Variants in PAK5 observed in about 807,000 individuals in gnomAD.
The protein encoded by PAK5 is serine/threonine-protein kinase PAK 5.
In PAK5, 16 loss-of-function variants were observed where a neutral mutation model predicts 65.9. The ratio of observed to expected loss-of-function variants is 0.24; its 90% CI spans 0.16 to 0.37. The LOEUF is 0.37. PAK5 is among the 10% of genes least tolerant of loss of function. The pLI is 1.00. For missense variants in PAK5, 785 were observed against 903.9 expected, an observed-to-expected ratio of 0.87 and a Z score of 1.69; for synonymous variants, 371 against 354.9, an observed-to-expected ratio of 1.05 and a Z score of -0.51.
chr20:9,809,320 G>T (rs1481157379), intron 1 of PAK5, among the ~76,000 whole-genome samples: 1 of 148,516 alleles, frequency 6.7e-6, no homozygotes, highest in African/African-American at 2.5e-5. Context: ...CTACTTTTCT[G>T]TTGAGGCAAT....
chr20:9,788,753 G>A lies in PAK5; in HGVS notation c.-162+50009C>T, dbSNP rs537262582. Among the ~76,000 whole-genome samples, 17 of 152,160 alleles carry A rather than the reference G, an allele frequency of 1.1e-4. No individual in the cohort carries two copies. In the East Asian group the frequency reaches 1.6e-3, roughly 14 times the overall value. On this transcript the variant is annotated intron_variant, in intron 1 of 9. Coordinates refer to ENST00000353224, the MANE Select transcript of PAK5 (RefSeq NM_177990.4). ...GAAAGACCCTCTTCCTATTCTTCTT[G>A]TCTTGGATAACAAAGGGGTTCCAAG... is the stretch of plus-strand genomic sequence containing the variant.
chr20:9,642,087 G>A (rs959222811), intron 3 of PAK5, among the ~76,000 whole-genome samples: 1 of 152,240 alleles, frequency 6.6e-6, no homozygotes, highest in Non-Finnish European at 1.5e-5. Context: ...CAAAGTGGGA[G>A]CCCAGGCAGG....
chr20:9,668,323 T>C lies in PAK5; in HGVS notation c.-11-23984A>G, dbSNP rs139292612. On this transcript the variant is annotated intron_variant, in intron 2 of 9. Transcript: ENST00000353224. ...GAAATTTTGAGCCTAATGGAGTATT[T>C]TCATTTTTTTTCCTTTGTGATATGT... Among the ~76,000 whole-genome samples, 378 of 152,238 alleles carry C rather than the reference T, an allele frequency of 2.5e-3. 4 individuals are homozygous for C. Among genetic ancestry groups the C allele is most frequent in the African/African-American group, 8.6e-3 (358 of 41,512 alleles).
intron 1 of PAK5, among the ~76,000 whole-genome samples, chr20:9,742,100 C>T (rs1341129874): frequency 1.3e-5 from 2 of 152,102 alleles, no homozygotes; most frequent in African/African-American, 4.8e-5. Context: ...CCAACCCTCA[C>T]CACCCAAGGG....
chr20:9,762,449 G>C (rs558010174), intron 1 of PAK5, among the ~76,000 whole-genome samples: 1 of 151,892 alleles, frequency 6.6e-6, no homozygotes, highest in Non-Finnish European at 1.5e-5. Flanking sequence ...AATTTAAATG[G>C]GCACAGGAAG....
At chr20:9,796,785 G>A (rs375390445) in intron 1 of PAK5, among the ~76,000 whole-genome samples, 64 of 152,188 alleles carry the variant, frequency 4.2e-4, no homozygotes, top group African/African-American at 1.3e-3. Context: ...TGATAGATTC[G>A]ATATAGCAGA....
At chr20:9,610,308 A>G (rs1714885682) in intron 3 of PAK5, among the ~76,000 whole-genome samples, 1 of 152,180 alleles carries the variant, frequency 6.6e-6, no homozygotes, top group African/African-American at 2.4e-5. Context: ...ATTACTAAAC[A>G]CTTCCCTTGC....
chr20:9,657,116 T>G (rs1448513932), intron 2 of PAK5, among the ~76,000 whole-genome samples: 1 of 152,146 alleles, frequency 6.6e-6, no homozygotes, highest in East Asian at 1.9e-4. Context: ...CACAAAGATG[T>G]GCTATACTTT....
intron 1 of PAK5, among the ~76,000 whole-genome samples, chr20:9,777,301 G>T (rs1268938488): frequency 1.3e-5 from 2 of 152,194 alleles, no homozygotes; most frequent in Admixed American, 1.3e-4. Context: ...CTCTTGAATT[G>T]TACTCCCACA....
In PAK5 at chr20:9,747,681, T is replaced by C. The variant is rs1034837368; in HGVS notation, c.-161-36246A>G. On this transcript the variant is annotated intron_variant, in intron 1 of 9. Coordinates refer to ENST00000353224, the MANE Select transcript of PAK5 (RefSeq NM_177990.4). ...CAATAAATTAGGTATTGATGGGACG[T>C]ATTTCAAAATAATAAGAGCTATCTA... is the stretch of plus-strand genomic sequence containing the variant. 1.8e-4 allele frequency among the ~76,000 whole-genome samples: 27 copies of C among 152,164 alleles called. 1 individual carries two copies. The highest frequency in any genetic ancestry group is 6.3e-4 in the African/African-American group (26 of 41,490).
chr20:9,712,015 C>A (rs969040683), intron 1 of PAK5, among the ~76,000 whole-genome samples: 2 of 152,102 alleles, frequency 1.3e-5, no homozygotes, highest in African/African-American at 4.8e-5. Context: ...AGATGGAACT[C>A]ACAATCAACA....
chr20:9,737,599 T>C (rs1163430933), intron 1 of PAK5, among the ~76,000 whole-genome samples: 1 of 152,152 alleles, frequency 6.6e-6, no homozygotes, highest in Admixed American at 6.5e-5. Flanking sequence ...AATGTTTTAA[T>C]TGCAGTAGTA....
intron 1 of PAK5, among the ~76,000 whole-genome samples, chr20:9,737,670 A>C (rs1285391437): frequency 1.3e-5 from 2 of 152,240 alleles, no homozygotes; most frequent in African/African-American, 4.8e-5. Context: ...AGATTTTGAA[A>C]AGCCTTTAAT....
chr20:9,698,591 C>T (rs529264862), intron 2 of PAK5, among the ~76,000 whole-genome samples: 3 of 152,318 alleles, frequency 2.0e-5, no homozygotes, highest in African/African-American at 7.2e-5. Flanking sequence ...GATCATACCT[C>T]CCATTCACTT....
intron 4 of PAK5, among the ~76,000 whole-genome samples, chr20:9,576,478 C>T (rs2045887153): frequency 6.6e-6 from 1 of 152,082 alleles, no homozygotes; most frequent in African/African-American, 2.4e-5. Context: ...CTGCTAAACA[C>T]CCTATGATGC....
intron 8 of PAK5, among the ~76,000 whole-genome samples, chr20:9,543,446 G>T (rs994473191): frequency 1.3e-5 from 2 of 151,968 alleles, no homozygotes; most frequent in African/African-American, 4.8e-5. Context: ...TCTGATGAAC[G>T]TATTGCTATT....
intron 1 of PAK5, among the ~76,000 whole-genome samples, chr20:9,833,849 C>G (rs1414337904): frequency 2.0e-5 from 3 of 152,036 alleles, no homozygotes; most frequent in Non-Finnish European, 4.4e-5. Flanking sequence ...TCCACAAAGA[C>G]TTTTATATAT....
At chr20:9,823,545 T>C (rs973409766) in intron 1 of PAK5, among the ~76,000 whole-genome samples, 2 of 152,198 alleles carry the variant, frequency 1.3e-5, no homozygotes, top group Non-Finnish European at 2.9e-5. Context: ...CCCTGCACAA[T>C]TAATCTTGCC....
chr20:9,548,744 T>G (rs2045382792), intron 7 of PAK5, among the ~76,000 whole-genome samples: 1 of 152,188 alleles, frequency 6.6e-6, no homozygotes, highest in Non-Finnish European at 1.5e-5. Context: ...TGAAAACATC[T>G]GAAGCACACT....
Sources: allele counts gnomAD v4.1 joint callset (sites outside exome capture counted in the v4.1 genomes callset), GRCh38; gene constraint gnomAD v4.1.1; transcripts MANE v1.5; gene names NCBI Gene and HGNC (gene_info 2026-07-23, HGNC 2026-07-21).